The following OSBPL9 variants were observed in gnomAD, a reference collection of about 807,000 sequenced individuals.
OSBPL9 encodes the protein oxysterol-binding protein-related protein 9.
In OSBPL9, 40 loss-of-function variants were observed where a neutral mutation model predicts 106.6. The ratio of observed to expected loss-of-function variants is 0.38; its 90% confidence interval spans 0.29 to 0.49. The LOEUF (loss-of-function observed/expected upper bound fraction) is 0.49. Among genes scored for constraint, OSBPL9 ranks in the 20% least tolerant of loss-of-function variants. OSBPL9 has a pLI of 0.97. For missense variants in OSBPL9, 609 were observed against 887.2 expected (o/e 0.69, Z 3.98); for synonymous variants, 269 against 295.4 (o/e 0.91, Z 0.92).
At chr1:51,542,901 T>C in the OSBPL9 span, among the ~76,000 whole-genome samples, 4 of 152,350 alleles carry the variant, frequency 2.6e-5, no homozygotes, top group African/African-American at 9.6e-5. Flanking sequence ...CAGGGCCTAA[T>C]TCATGGGATT....
chr1:51,566,704 A>T, the OSBPL9 span, among the ~76,000 whole-genome samples: 1 of 152,208 alleles, frequency 6.6e-6, no homozygotes, highest in African/African-American at 2.4e-5. Flanking sequence ...CCTTATATGG[A>T]TTCTGGGCCT....
chr1:51,788,979 C>T lies in OSBPL9; in HGVS notation c.*1190C>T, dbSNP rs1172560582. Among the ~76,000 whole-genome samples, 1 of 152,200 alleles carries T rather than the reference C, an allele frequency of 6.6e-6. No individual in the cohort carries two copies. The highest frequency in any genetic ancestry group is 1.5e-5 in the Non-Finnish European group (1 of 68,044). On this transcript the variant is annotated 3_prime_UTR_variant, in exon 24 of 24. Coordinates refer to ENST00000428468, the MANE Select transcript of OSBPL9 (RefSeq NM_024586.6). ...AGTAGATTCTCAGTCTGAGAGGACA[C>T]AGGCCAGGGCTTCTCAAAGTGCTGC...
At chr1:51,550,893 T>C in the OSBPL9 span, among the ~76,000 whole-genome samples, 4 of 152,220 alleles carry the variant, frequency 2.6e-5, no homozygotes, top group Non-Finnish European at 4.4e-5. Flanking sequence ...CAGAAGTTTA[T>C]TTACTGATAA....
At position 51,776,208 on chromosome 1, in the gene OSBPL9, G is replaced by A. The variant is rs575072401; in HGVS notation, c.1171-625G>A. Among the ~76,000 whole-genome samples the A allele has an allele frequency of 5.3e-5, 8 of 151,906 alleles. No individual in the cohort carries two copies. The South Asian group carries it at 1.0e-3, about 20-fold the overall frequency. On this transcript the variant is annotated intron_variant, in intron 14 of 23. Transcript: ENST00000428468. Reference sequence around the variant, plus strand: ...TGCTCATTTAAAAGTTTCTTACTGTGTAAATAGTAGTGAGAGCGCGAGTGT... The same window carrying A: ...TGCTCATTTAAAAGTTTCTTACTGTATAAATAGTAGTGAGAGCGCGAGTGT...
At chr1:51,558,019 G>T in the OSBPL9 span, among the ~76,000 whole-genome samples, 1 of 152,162 alleles carries the variant, frequency 6.6e-6, no homozygotes, top group African/African-American at 2.4e-5. Context: ...AAAAAATCAT[G>T]CCTGTAATCC....
At chr1:51,710,149 G>C (rs1659502802) in intron 3 of OSBPL9, among the ~76,000 whole-genome samples, 1 of 152,184 alleles carries the variant, frequency 6.6e-6, no homozygotes, top group Non-Finnish European at 1.5e-5. Flanking sequence ...ATTGATTACT[G>C]GGGGTGGGAA....
intron 18 of OSBPL9, 22 bp from the exon 19 acceptor site, chr1:51,784,242 A>G: frequency 6.2e-7 from 1 of 1,610,636 alleles, no homozygotes; most frequent in Non-Finnish European, 8.5e-7. Flanking sequence ...CTCATCAGAG[A>G]TTCTGTCCCT....
the OSBPL9 span, among the ~76,000 whole-genome samples, chr1:51,520,745 G>A: frequency 4.6e-5 from 7 of 152,170 alleles, no homozygotes; most frequent in Non-Finnish European, 1.0e-4. Flanking sequence ...TTAGACTATT[G>A]CCTCCACAAG....
In OSBPL9 at chr1:51,784,265, C is replaced by G. The variant is rs1310381535; in HGVS notation, c.1626C>G (p.Gly542=). 6.2e-7 allele frequency: 1 copy of G among 1,613,712 alleles called. No homozygotes were observed. The highest frequency in any genetic ancestry group is 1.3e-5 in the African/African-American group (1 of 75,040). ...MSIGVHNIGQ[G]CVSCLDYDEH... is the part of the protein sequence containing the mutation. ...AGATTCTGTCCCTTCTCTCCACAGG[C>G]TGTGTCTCATGTCTAGACTATGATG... The change falls in exon 19 of 24, where the codon GGC becomes GGG. Residue 542 remains glycine (G), a splice_region_variant and synonymous_variant. Coordinates refer to ENST00000428468, the MANE Select transcript of OSBPL9 (RefSeq NM_024586.6).
chr1:51,695,102 A>T (rs761525588), intron 3 of OSBPL9, among the ~76,000 whole-genome samples: 3 of 152,198 alleles, frequency 2.0e-5, no homozygotes, highest in Non-Finnish European at 4.4e-5. Flanking sequence ...GAAGTACTTT[A>T]TATGTGCTTC....
the OSBPL9 span, among the ~76,000 whole-genome samples, chr1:51,527,151 C>T: frequency 6.6e-6 from 1 of 152,136 alleles, no homozygotes; most frequent in Non-Finnish European, 1.5e-5. Flanking sequence ...CAAGGTCCTC[C>T]ACTTATAAGC....
At chr1:51,540,874 G>A in the OSBPL9 span, among the ~76,000 whole-genome samples, 2 of 145,550 alleles carry the variant, frequency 1.4e-5, no homozygotes, top group African/African-American at 2.6e-5. Flanking sequence ...CAGGAGAATT[G>A]CTTGAACCTG....
chr1:51,742,460 A>T (rs1447420050), intron 4 of OSBPL9, among the ~76,000 whole-genome samples: 1 of 152,074 alleles, frequency 6.6e-6, no homozygotes, highest in East Asian at 1.9e-4. Context: ...ACACCTTGTA[A>T]TCTCAGCACT....
At chr1:51,697,098 T>C (rs1557701823) in intron 3 of OSBPL9, among the ~76,000 whole-genome samples, 1 of 151,360 alleles carries the variant, frequency 6.6e-6, no homozygotes, top group Non-Finnish European at 1.5e-5. Context: ...AATTTGAGGT[T>C]GTAATAAGCT....
intron 1 of OSBPL9, among the ~76,000 whole-genome samples, chr1:51,580,041 A>G (rs1236957715): frequency 6.6e-6 from 1 of 151,990 alleles, no homozygotes; most frequent in African/African-American, 2.4e-5. Context: ...TAGCAATCCA[A>G]CTGATTCTCA....
At chr1:51,610,718 G>A (rs1204030880) in intron 2 of OSBPL9, among the ~76,000 whole-genome samples, 2 of 152,222 alleles carry the variant, frequency 1.3e-5, no homozygotes, top group African/African-American at 4.8e-5. Context: ...CAAAGCGTAA[G>A]TAAAAATGGT....
At chr1:51,758,290 G>A (rs1278961732) in intron 9 of OSBPL9, among the ~76,000 whole-genome samples, 1 of 151,990 alleles carries the variant, frequency 6.6e-6, no homozygotes, top group East Asian at 1.9e-4. Context: ...CAAAGCAGTG[G>A]GTTTTGTAAG....
intron 4 of OSBPL9, among the ~76,000 whole-genome samples, chr1:51,730,713 T>C (rs1183663469): frequency 6.6e-6 from 1 of 152,220 alleles, no homozygotes; most frequent in African/African-American, 2.4e-5. Context: ...TTATGAAAGG[T>C]TGAGAGATGT....
At chr1:51,749,687 T>A (rs1336524736) in intron 7 of OSBPL9, 2 of 196,328 alleles carry the variant, frequency 1.0e-5, no homozygotes, top group African/African-American at 4.6e-5. Context: ...GATTCGTATG[T>A]CTTTCTGTTT....
Sources: allele counts gnomAD v4.1 joint callset (sites outside exome capture counted in the v4.1 genomes callset), GRCh38; gene constraint gnomAD v4.1.1; transcripts MANE v1.5; gene names NCBI Gene and HGNC (gene_info 2026-07-23, HGNC 2026-07-21).